Variants in NLGN1 observed in about 807,000 individuals in gnomAD.
NLGN1 encodes neuroligin-1.
NLGN1 carries 12 observed loss-of-function variants against 65.5 expected under a neutral mutation model. The ratio of observed to expected loss-of-function variants is 0.18; its 90% CI spans 0.12 to 0.30. NLGN1 has a LOEUF of 0.30. Ranked by LOEUF, NLGN1 falls within the 10% of genes least tolerant of loss-of-function variation. The pLI, the probability that NLGN1 is intolerant of heterozygous loss-of-function variation, is 1.00. For synonymous variants in NLGN1, 350 were observed against 359.5 expected, an observed-to-expected ratio of 0.97 and a Z score of 0.30; for missense variants, 750 against 1,007.1, an observed-to-expected ratio of 0.74 and a Z score of 3.46.
intron 4 of NLGN1, among the ~76,000 whole-genome samples, chr3:174,261,838 A>T (rs993761003): frequency 2.0e-5 from 3 of 149,120 alleles, no homozygotes; most frequent in Non-Finnish European, 4.4e-5. Flanking sequence ...GATAGCTCTT[A>T]TTATTTTGAA....
At chr3:173,536,963 A>T (rs1737535631) in intron 2 of NLGN1, among the ~76,000 whole-genome samples, 1 of 152,214 alleles carries the variant, frequency 6.6e-6, no homozygotes, top group African/African-American at 2.4e-5. Flanking sequence ...GTCCAAAAGC[A>T]ACAGAAGACC....
chr3:173,755,621 G>C (rs999270485), intron 3 of NLGN1, among the ~76,000 whole-genome samples: 4 of 152,026 alleles, frequency 2.6e-5, no homozygotes, highest in Admixed American at 2.0e-4. Flanking sequence ...GAGTGGCAAG[G>C]TTGGAGTTCA....
chr3:174,094,746 T>TAAAAAAAAAAA (rs5854552), intron 4 of NLGN1, among the ~76,000 whole-genome samples: 1 of 88,908 alleles, frequency 1.1e-5, no homozygotes, highest in Non-Finnish European at 2.1e-5. Flanking sequence ...TTGGCTCCGC[T>TAAAAAAAAAAA]AAAAAAAAAA....
At chr3:173,845,871 T>C (rs896755585) in intron 4 of NLGN1, among the ~76,000 whole-genome samples, 2 of 152,182 alleles carry the variant, frequency 1.3e-5, no homozygotes, top group Non-Finnish European at 2.9e-5. Context: ...AATTAAAATT[T>C]TTTTCGATAT....
At chr3:174,191,002 CGT>C (rs148498871) in intron 4 of NLGN1, among the ~76,000 whole-genome samples, 5 of 150,524 alleles carry the variant, frequency 3.3e-5, no homozygotes, top group Non-Finnish European at 5.9e-5. Context: ...GTAGTGTGTG[CGT>C]GTGTGTGTGT....
At chr3:174,091,624 C>T (rs1436226731) in intron 4 of NLGN1, among the ~76,000 whole-genome samples, 1 of 152,146 alleles carries the variant, frequency 6.6e-6, no homozygotes, top group Non-Finnish European at 1.5e-5. Flanking sequence ...GTTGATGAAT[C>T]ATTTATTTTC....
At chr3:173,803,969 A>C (rs1716053438) in intron 3 of NLGN1, among the ~76,000 whole-genome samples, 1 of 152,244 alleles carries the variant, frequency 6.6e-6, no homozygotes. Flanking sequence ...TTTAATGATT[A>C]TATCACTAAT....
At chr3:173,822,217 A>G (rs79141875) in intron 4 of NLGN1, among the ~76,000 whole-genome samples, 3,329 of 152,244 alleles carry the variant, frequency 0.022, 154 homozygotes, top group African/African-American at 0.076. Context: ...AATTTTATTT[A>G]CGATCCGTAC....
At chr3:174,246,350 A>G (rs2193745) in intron 4 of NLGN1, among the ~76,000 whole-genome samples, 18,260 of 152,168 alleles carry the variant, frequency 0.12, 1,890 homozygotes, top group African/African-American at 0.27. Context: ...TTCTATACAC[A>G]TGCAAGATTT....
At chr3:174,027,892 A>C (rs1579859644) in intron 4 of NLGN1, among the ~76,000 whole-genome samples, 2 of 152,072 alleles carry the variant, frequency 1.3e-5, no homozygotes, top group South Asian at 4.2e-4. Context: ...GATAATCTCC[A>C]TGTGTCAAGG....
At chr3:174,283,229 G>A (rs1751747616) in exon 7 of NLGN1, 1 of 151,252 alleles carries the variant, frequency 6.6e-6, no homozygotes, top group African/African-American at 2.4e-5. Flanking sequence ...AAGACATATA[G>A]GTAACTTCCA....
At chr3:173,864,994 T>C (rs1320328066) in intron 4 of NLGN1, among the ~76,000 whole-genome samples, 2 of 152,160 alleles carry the variant, frequency 1.3e-5, no homozygotes, top group East Asian at 3.9e-4. Flanking sequence ...AAAAGTATAT[T>C]TAGATGGTGT....
chr3:174,088,084 A>G (rs905876888), intron 4 of NLGN1, among the ~76,000 whole-genome samples: 5 of 152,208 alleles, frequency 3.3e-5, no homozygotes, highest in African/African-American at 1.2e-4. Context: ...TTTTTTCCTC[A>G]AATGCCAAGA....
downstream of NLGN1, among the ~76,000 whole-genome samples, chr3:174,290,626 C>A (rs1752661183): frequency 6.6e-6 from 1 of 150,646 alleles, no homozygotes; most frequent in African/African-American, 2.4e-5. Flanking sequence ...TGACTATAAG[C>A]ACATATTGAA....
At chr3:173,887,768 T>C (rs957336735) in intron 4 of NLGN1, among the ~76,000 whole-genome samples, 33 of 151,952 alleles carry the variant, frequency 2.2e-4, no homozygotes, top group Non-Finnish European at 4.7e-4. Context: ...CTAAAAGGGA[T>C]CTTTTCAAGC....
At chr3:173,668,919 A>T (rs2055303) in intron 3 of NLGN1, among the ~76,000 whole-genome samples, 16 of 152,318 alleles carry the variant, frequency 1.1e-4, no homozygotes, top group African/African-American at 7.2e-5. Context: ...CCACTGCACC[A>T]GGCCAGTTTC....
intron 4 of NLGN1, among the ~76,000 whole-genome samples, chr3:174,146,157 C>T (rs567119610): frequency 2.0e-5 from 3 of 149,130 alleles, no homozygotes; most frequent in African/African-American, 7.6e-5. Context: ...TCCTTCCTCT[C>T]TCCCTCCCTC....
chr3:173,950,462 T>C (rs772279348), intron 4 of NLGN1, among the ~76,000 whole-genome samples: 1 of 152,190 alleles, frequency 6.6e-6, no homozygotes. Flanking sequence ...CAAATACGTA[T>C]GTTTATGTGC....
chr3:173,770,831 A>G (rs750699578), intron 3 of NLGN1, among the ~76,000 whole-genome samples: 3 of 152,156 alleles, frequency 2.0e-5, no homozygotes, highest in Non-Finnish European at 2.9e-5. Context: ...ATTCGCACTC[A>G]ATAGAATGAA....
Sources: gnomAD v4.1 joint callset for allele counts (sites outside exome capture counted in the v4.1 genomes callset) on GRCh38, gnomAD v4.1.1 for gene constraint, MANE v1.5 for transcripts, NCBI Gene and HGNC (gene_info 2026-07-23, HGNC 2026-07-21) for gene names.